Variants in DCP2 observed in about 807,000 individuals in gnomAD.
DCP2 encodes m7GpppN-mRNA hydrolase.
A neutral mutation model predicts 56.1 loss-of-function variants in DCP2; 30 were observed. The ratio of observed to expected loss-of-function variants is 0.53; its 90% confidence interval spans 0.40 to 0.73. The LOEUF (loss-of-function observed/expected upper bound fraction) is 0.73, where lower values mean the gene tolerates loss of function less well. DCP2 is among the 30% of genes least tolerant of loss of function. The pLI, the probability that DCP2 is intolerant of heterozygous loss-of-function variation, is 0.00. For missense variants in DCP2, 533 were observed against 502.7 expected, an observed-to-expected ratio of 1.06 and a Z score of -0.58; for synonymous variants, 197 against 163.3, an observed-to-expected ratio of 1.21 and a Z score of -1.57.
chr5:113,013,263 G>A, intron 10 of DCP2, 58 bp from the exon 11 acceptor site: 1 of 1,538,790 alleles, frequency 6.5e-7, no homozygotes, highest in East Asian at 2.3e-5. Flanking sequence ...GCAAAGGGCA[G>A]TATTTGATTT....
chr5:112,993,624 C>CAAA (rs769397326), intron 4 of DCP2, among the ~76,000 whole-genome samples: 1 of 63,942 alleles, frequency 1.6e-5, no homozygotes. Flanking sequence ...AACACTATCT[C>CAAA]AAAAAAAAAA....
In DCP2 at chr5:112,998,383, C is replaced by T. The variant is rs997796562; in HGVS notation, c.433-2701C>T. 8.3e-4 allele frequency among the ~76,000 whole-genome samples: 126 copies of T among 152,288 alleles called. 1 individual carries two copies. Among genetic ancestry groups the T allele is most frequent in the African/African-American group, 2.9e-3 (119 of 41,568 alleles). On this transcript the variant is annotated intron_variant, in intron 4 of 10. Transcript: ENST00000389063. ...TTATCCAGCAGAATAGGCTGCTGTC[C>T]ATAACCAAAGAAGACCATCCCCCAA...
At chr5:113,009,672 C>T (rs996563803) in intron 9 of DCP2, among the ~76,000 whole-genome samples, 5 of 152,068 alleles carry the variant, frequency 3.3e-5, no homozygotes, top group African/African-American at 1.2e-4. Flanking sequence ...AATACAGTAT[C>T]GTAGATCTGT....
At chr5:112,978,078 A>G (rs1267192100) in intron 1 of DCP2, among the ~76,000 whole-genome samples, 1 of 152,004 alleles carries the variant, frequency 6.6e-6, no homozygotes, top group Admixed American at 6.6e-5. Flanking sequence ...TCCGGATTCA[A>G]ACGAGTCTCT....
rs1749941114 is a variant in DCP2 at position 113,017,608 on chromosome 5, CA to C, written c.*4127del. On this transcript the variant is annotated 3_prime_UTR_variant, in exon 11 of 11. Coordinates refer to ENST00000389063, the MANE Select transcript of DCP2 (RefSeq NM_152624.6). ...CAGTACAGGCTTTGCCCCATGCTTT[CA>C]AAGTAGGATTCTGGATTGCAGTTTC... is the stretch of plus-strand genomic sequence containing the variant. The C allele has an allele frequency of 6.6e-6, 1 of 152,066 alleles. No homozygotes were observed. Among genetic ancestry groups the C allele is most frequent in the Admixed American group, 6.6e-5 (1 of 15,252 alleles). The allele number at this position is 152,066 out of a possible 1,614,324, so 9.4% of individuals were successfully genotyped here. A position where few individuals can be genotyped will look rare whatever the true frequency, so the allele number is the denominator to read the frequency against.
intron 2 of DCP2, among the ~76,000 whole-genome samples, chr5:112,991,764 C>T (rs1748604228): frequency 1.3e-5 from 2 of 152,150 alleles, no homozygotes; most frequent in Admixed American, 1.3e-4. Flanking sequence ...GAATTTGACT[C>T]ACTTAACGAG....
chr5:112,994,163 CTTTTTTTTTTTTT>C (rs771514208), intron 4 of DCP2, among the ~76,000 whole-genome samples: 22 of 75,152 alleles, frequency 2.9e-4, no homozygotes, highest in East Asian at 7.7e-4. Context: ...TTTTTTCTTT[CTTTTTTTTTTTTT>C]TTTTTTTTTT....
Position 112,993,574 on chromosome 5 carries a change from C to T in DCP2, c.432+804C>T, listed in dbSNP as rs1249245711. 2.0e-5 allele frequency among the ~76,000 whole-genome samples: 3 copies of T among 146,370 alleles called. No individual in the cohort carries two copies. In the East Asian group the frequency reaches 6.0e-4, roughly 29 times the overall value. On this transcript the variant is annotated intron_variant, in intron 4 of 10. Coordinates refer to ENST00000389063, the MANE Select transcript of DCP2 (RefSeq NM_152624.6). Reference sequence around the variant, plus strand: ...TCGGGAGGCAGAGGTTGCGGTGAGCCGAGATCACCATTGCACTCTAGCCTG... The same window carrying T: ...TCGGGAGGCAGAGGTTGCGGTGAGCTGAGATCACCATTGCACTCTAGCCTG...
chr5:113,016,419 C>T lies in DCP2; in HGVS notation c.*2935C>T, dbSNP rs1400266456. 1 of 152,264 alleles carries T rather than the reference C, an allele frequency of 6.6e-6. No individual in the cohort carries two copies. Among genetic ancestry groups the T allele is most frequent in the African/African-American group, 2.4e-5 (1 of 41,444 alleles). The allele number at this position is 152,264 out of a possible 1,614,324, so 9.4% of individuals were successfully genotyped here. On this transcript the variant is annotated 3_prime_UTR_variant, in exon 11 of 11. Coordinates refer to ENST00000389063, the MANE Select transcript of DCP2 (RefSeq NM_152624.6). ...AGTGCTGTCAAAGGAATTGTGGTTA[C>T]TACTTGCTGTTCTGAGCTTTGAATA... is the stretch of plus-strand genomic sequence containing the variant.
intron 4 of DCP2, among the ~76,000 whole-genome samples, chr5:112,999,793 G>A (rs1259116849): frequency 2.0e-5 from 3 of 151,672 alleles, no homozygotes; most frequent in African/African-American, 7.3e-5. Flanking sequence ...GGGCATGGTG[G>A]CTCATACCTA....
intron 9 of DCP2, among the ~76,000 whole-genome samples, chr5:113,009,010 A>AT (rs527334957): frequency 3.3e-5 from 5 of 150,956 alleles, no homozygotes; most frequent in East Asian, 1.9e-4. Flanking sequence ...CCCCTGGCTA[A>AT]TTTTTTTTTG....
rs1470332225 is a variant in DCP2, at chr5:113,014,490, G to T, written c.*1006G>T. 6.6e-6 allele frequency: 1 copy of T among 152,576 alleles called. No individual in the cohort carries two copies. Among genetic ancestry groups the T allele is most frequent in the Non-Finnish European group, 1.5e-5 (1 of 68,040 alleles). The allele number at this position is 152,576 out of a possible 1,614,324, so 9.5% of individuals were successfully genotyped here. A position where few individuals can be genotyped will look rare whatever the true frequency, so the allele number is the denominator to read the frequency against. On this transcript the variant is annotated 3_prime_UTR_variant, in exon 11 of 11. Coordinates refer to ENST00000389063, the MANE Select transcript of DCP2 (RefSeq NM_152624.6). ...GGATGATGGAGCGAGAAGGGAAGGG[G>T]TATGCAGTTTACCCAAGTCCAAATA...
intron 10 of DCP2, 68 bp from the exon 11 acceptor site, chr5:113,013,253 G>A: frequency 6.7e-7 from 1 of 1,495,922 alleles, no homozygotes; most frequent in Non-Finnish European, 9.0e-7. Context: ...GTAACAAAAG[G>A]CAAAGGGCAG....
rs1354741253 is a variant in DCP2, at chr5:112,992,677, A to G, written c.339A>G (p.Leu113=). Reference sequence around the variant, plus strand: ...TACTTCTGCTTGTTTTGTAGGTACTACTAGTTCAGGGGTACCTAGCAAAAT... The same window carrying G: ...TACTTCTGCTTGTTTTGTAGGTACTGCTAGTTCAGGGGTACCTAGCAAAAT... The part of the protein sequence containing the change: ...IILDETLENV[L]LVQGYLAKSG... The change falls in exon 4 of 11, where the codon CTA becomes CTG. Residue 113 remains leucine (L), a synonymous_variant. Coordinates refer to ENST00000389063, the MANE Select transcript of DCP2 (RefSeq NM_152624.6). 3 of 1,576,016 alleles carry G rather than the reference A, an allele frequency of 1.9e-6. No individual in the cohort carries two copies. The highest frequency in any genetic ancestry group is 3.3e-4 in the Middle Eastern group (2 of 5,988).
intron 4 of DCP2, among the ~76,000 whole-genome samples, chr5:112,993,523 G>C (rs1748693937): frequency 6.6e-6 from 1 of 151,488 alleles, no homozygotes; most frequent in African/African-American, 2.4e-5. Context: ...CTACTTGAGA[G>C]GCTGAGGCAG....
chr5:112,982,691 A>G (rs1328367153), intron 1 of DCP2, among the ~76,000 whole-genome samples: 2 of 152,160 alleles, frequency 1.3e-5, no homozygotes, highest in East Asian at 3.8e-4. Flanking sequence ...GTTACTGTAC[A>G]TTTAAAGAAA....
chr5:113,004,835 A>G (rs1476715963), intron 8 of DCP2, among the ~76,000 whole-genome samples: 1 of 150,808 alleles, frequency 6.6e-6, no homozygotes, highest in Non-Finnish European at 1.5e-5. Flanking sequence ...TTTTAAAAAT[A>G]TACTGGGCTT....
At chr5:112,999,413 C>T (rs537294206) in intron 4 of DCP2, among the ~76,000 whole-genome samples, 7 of 152,108 alleles carry the variant, frequency 4.6e-5, no homozygotes, top group African/African-American at 1.7e-4. Context: ...CTGCAACCTC[C>T]ATTTCCTGGG....
chr5:113,010,189 C>T (rs1241505306), intron 9 of DCP2, among the ~76,000 whole-genome samples: 1 of 150,914 alleles, frequency 6.6e-6, no homozygotes, highest in Non-Finnish European at 1.5e-5. Flanking sequence ...CGTGGCACCA[C>T]ACCCTACTAA....
Sources: gnomAD v4.1 joint callset for allele counts (sites outside exome capture counted in the v4.1 genomes callset) on GRCh38, gnomAD v4.1.1 for gene constraint, MANE v1.5 for transcripts, NCBI Gene and HGNC (gene_info 2026-07-23, HGNC 2026-07-21) for gene names.